The following SH3BP5 variants were observed in gnomAD, a reference collection of about 807,000 sequenced individuals.
SH3BP5 encodes the protein SH3 domain-binding protein 5.
In SH3BP5, 22 loss-of-function variants were observed where a neutral mutation model predicts 43.3. That is an observed-to-expected ratio of 0.51 (90% confidence interval 0.36 to 0.73). SH3BP5 has a LOEUF of 0.73. Ranked by LOEUF, SH3BP5 falls within the 30% of genes least tolerant of loss-of-function variation. SH3BP5 has a pLI of 0.00. For synonymous variants in SH3BP5, 255 were observed against 225.8 expected, an observed-to-expected ratio of 1.13 and a Z score of -1.16; for missense variants, 529 against 586.9, an observed-to-expected ratio of 0.90 and a Z score of 1.02.
intron 2 of SH3BP5, among the ~76,000 whole-genome samples, chr3:15,316,075 G>A (rs566690076): frequency 6.6e-6 from 1 of 152,140 alleles, no homozygotes; most frequent in South Asian, 2.1e-4. Flanking sequence ...GGTTTTCCTG[G>A]TCCAAGATCC....
intron 2 of SH3BP5, among the ~76,000 whole-genome samples, chr3:15,325,513 C>T (rs1435084185): frequency 1.3e-5 from 2 of 152,240 alleles, no homozygotes; most frequent in Non-Finnish European, 2.9e-5. Flanking sequence ...TGCCTCCAAA[C>T]ACCCACCAGC....
At chr3:15,270,503 G>A (rs1365575643) in intron 3 of SH3BP5, among the ~76,000 whole-genome samples, 1 of 152,204 alleles carries the variant, frequency 6.6e-6, no homozygotes, top group African/African-American at 2.4e-5. Flanking sequence ...GGCAGGCAAA[G>A]AGAAGGACCT....
At chr3:15,269,117 T>G (rs974222635) in intron 4 of SH3BP5, among the ~76,000 whole-genome samples, 1 of 152,114 alleles carries the variant, frequency 6.6e-6, no homozygotes, top group Non-Finnish European at 1.5e-5. Context: ...GAGGTGGTCA[T>G]GAGAGCCAGT....
intron 4 of SH3BP5, 118 bp downstream of exon 4, chr3:15,269,595 G>A (rs1696740158): frequency 9.0e-7 from 1 of 1,113,738 alleles, no homozygotes; most frequent in African/African-American, 1.6e-5. Flanking sequence ...GACAACCTGT[G>A]ATTTTCAGGG....
At chr3:15,263,252 T>C (rs957636050) in intron 4 of SH3BP5, among the ~76,000 whole-genome samples, 12 of 152,186 alleles carry the variant, frequency 7.9e-5, no homozygotes, top group African/African-American at 2.9e-4. Context: ...CGTTCACACC[T>C]TGGGGCAGGG....
chr3:15,282,819 G>A (rs1253977058), intron 3 of SH3BP5, among the ~76,000 whole-genome samples: 1 of 152,024 alleles, frequency 6.6e-6, no homozygotes, highest in Non-Finnish European at 1.5e-5. Flanking sequence ...AAAGCTAGAG[G>A]GGGAGGGTGG....
In SH3BP5 at chr3:15,319,603, A is replaced by T. The variant is rs1698270715; in HGVS notation, c.201+10901T>A. 2.0e-5 allele frequency among the ~76,000 whole-genome samples: 3 copies of T among 152,226 alleles called. No individual in the cohort carries two copies. The South Asian group carries it at 6.2e-4, about 31-fold the overall frequency. On this transcript the variant is annotated intron_variant, in intron 2 of 8. Coordinates refer to ENST00000383791, the MANE Select transcript of SH3BP5 (RefSeq NM_004844.5). The stretch of plus-strand genomic sequence containing the variant: ...AGCTGCTCTGAAGGTTTCAAGGCTT[A>T]GTCAGAAAAAGCCAGGAAGCTTCCA...
In SH3BP5 at chr3:15,302,623, G is replaced by A. The variant is rs181152379; in HGVS notation, c.330+1480C>T. Among the ~76,000 whole-genome samples the A allele has an allele frequency of 3.4e-3, 516 of 152,164 alleles. 2 individuals are homozygous for A. The highest frequency in any genetic ancestry group is 6.8e-3 in the Middle Eastern group (2 of 294). On this transcript the variant is annotated intron_variant, in intron 3 of 8. Coordinates refer to ENST00000383791, the MANE Select transcript of SH3BP5 (RefSeq NM_004844.5). The stretch of plus-strand genomic sequence containing the variant: ...GAGAGGTGCATGGAAATAGGAAAAA[G>A]AAGAGGAATGGTTAAGTCCTGGCCC...
chr3:15,312,577 A>G (rs1376218898), intron 2 of SH3BP5, among the ~76,000 whole-genome samples: 1 of 152,178 alleles, frequency 6.6e-6, no homozygotes, highest in African/African-American at 2.4e-5. Context: ...CAAAGACAAG[A>G]GTGTACTTTC....
chr3:15,264,865 G>A (rs540329578), intron 4 of SH3BP5, among the ~76,000 whole-genome samples: 43 of 152,130 alleles, frequency 2.8e-4, no homozygotes, highest in Non-Finnish European at 5.7e-4. Context: ...CATGTTGGGG[G>A]TGATTGTTTT....
At chr3:15,306,826 G>T (rs541646550) in intron 2 of SH3BP5, among the ~76,000 whole-genome samples, 1 of 152,020 alleles carries the variant, frequency 6.6e-6, no homozygotes, top group South Asian at 2.1e-4. Context: ...GCACCACCAC[G>T]CCAAGCTAAT....
intron 2 of SH3BP5, among the ~76,000 whole-genome samples, chr3:15,304,541 G>GT (rs1282840770): frequency 6.6e-6 from 1 of 152,176 alleles, no homozygotes; most frequent in Non-Finnish European, 1.5e-5. Flanking sequence ...CATCTCGGGT[G>GT]TGGTAGCTCA....
At position 15,258,822 on chromosome 3, in the gene SH3BP5, C is replaced by G; in HGVS notation, c.889+9G>C. ...TCTCCCCACATACCCAGTGGAGCCC[C>G]TGACTTACCAGAAATGGCATCAGGC... On this transcript the variant is annotated intron_variant, in intron 7 of 8. Transcript: ENST00000383791. 1 of 1,611,478 alleles carries G rather than the reference C, an allele frequency of 6.2e-7. No individual in the cohort carries two copies. Among genetic ancestry groups the G allele is most frequent in the Non-Finnish European group, 8.5e-7 (1 of 1,178,154 alleles).
chr3:15,337,926 A>G (rs1226357933), intron 1 of SH3BP5, among the ~76,000 whole-genome samples: 1 of 151,234 alleles, frequency 6.6e-6, no homozygotes, highest in African/African-American at 2.4e-5. Context: ...AAAAAAAAAA[A>G]AAAAAAAAAA....
chr3:15,277,099 C>T (rs1293327506), intron 3 of SH3BP5, among the ~76,000 whole-genome samples: 1 of 151,772 alleles, frequency 6.6e-6, no homozygotes, highest in Non-Finnish European at 1.5e-5. Context: ...TACAGGTGCC[C>T]GCCACCATGC....
intron 2 of SH3BP5, among the ~76,000 whole-genome samples, chr3:15,329,300 G>A (rs1698542253): frequency 6.6e-6 from 1 of 152,216 alleles, no homozygotes; most frequent in Non-Finnish European, 1.5e-5. Context: ...TATAGGAATG[G>A]TAAGAGTTTT....
In SH3BP5 at chr3:15,330,586, GAA is replaced by G; in HGVS notation, c.139-22_139-21del. On this transcript the variant is annotated intron_variant, in intron 1 of 8. Coordinates refer to ENST00000383791, the MANE Select transcript of SH3BP5 (RefSeq NM_004844.5). Reference sequence around the variant, plus strand: ...TTCTCCCTGGTGAAGAAAAGAGGGAGAAAAAAAGACTTAAGGGATCCGTCTTT... The same window carrying G: ...TTCTCCCTGGTGAAGAAAAGAGGGAGAAAAAGACTTAAGGGATCCGTCTTT... 1.9e-6 allele frequency: 3 copies of G among 1,569,154 alleles called. No homozygotes were observed. The highest frequency in any genetic ancestry group is 2.6e-6 in the Non-Finnish European group (3 of 1,157,868).
Position 15,332,459 on chromosome 3 carries a change from G to C in SH3BP5, c.-51C>G. 6.8e-7 allele frequency: 1 copy of C among 1,461,446 alleles called. No homozygotes were observed. Among genetic ancestry groups the C allele is most frequent in the East Asian group, 2.8e-5 (1 of 36,110 alleles). 90.5% of individuals were successfully genotyped at this position (1,461,446 alleles called of 1,614,324 possible). A position where few individuals can be genotyped will look rare whatever the true frequency, so the allele number is the denominator to read the frequency against. On this transcript the variant is annotated 5_prime_UTR_variant, in exon 1 of 9. Transcript: ENST00000383791. The stretch of plus-strand genomic sequence containing the variant: ...CAGTGGGCTCCGGAGCGCCCCGGGG[G>C]TCGCGGCTGCCACAGGCTGGGCTGG...
rs1235733385 is a variant in SH3BP5, at chr3:15,255,607, A to AAAT, written c.*476_*478dup. 2 of 152,850 alleles carry AAAT rather than the reference A, an allele frequency of 1.3e-5. No individual in the cohort carries two copies. The highest frequency in any genetic ancestry group is 3.9e-4 in the East Asian group (2 of 5,186). The allele number at this position is 152,850 out of a possible 1,614,324, so 9.5% of individuals were successfully genotyped here. ...TTTTTTTAAGCCTCCACTGGGTCAA[A>AAAT]AATATGTGCTCTTAATACTTGAGTT... On this transcript the variant is annotated 3_prime_UTR_variant, in exon 9 of 9. Coordinates refer to ENST00000383791, the MANE Select transcript of SH3BP5 (RefSeq NM_004844.5).
Sources: allele counts gnomAD v4.1 joint callset (sites outside exome capture counted in the v4.1 genomes callset), GRCh38; gene constraint gnomAD v4.1.1; transcripts MANE v1.5; gene names NCBI Gene and HGNC (gene_info 2026-07-23, HGNC 2026-07-21).